TIAM1: variants seen among roughly 807,000 people sequenced by gnomAD.
TIAM1 encodes TIAM Rac1 associated GEF 1, also known as rho guanine nucleotide exchange factor TIAM1.
TIAM1 carries 65 observed loss-of-function variants against 163.5 expected under a neutral mutation model. The observed-to-expected ratio is 0.40, with a 90% CI of 0.33 to 0.49. TIAM1 has a LOEUF of 0.49. TIAM1 is among the 20% of genes least tolerant of loss of function. TIAM1 has a pLI of 0.77. For missense variants in TIAM1, 1,789 were observed against 2,044.7 expected, an observed-to-expected ratio of 0.87 and a Z score of 2.41; for synonymous variants, 833 against 810.1, an observed-to-expected ratio of 1.03 and a Z score of -0.48.
chr21:31,404,748 A>T (rs1053761242), intron 2 of TIAM1, among the ~76,000 whole-genome samples: 4 of 152,160 alleles, frequency 2.6e-5, no homozygotes, highest in Non-Finnish European at 5.9e-5. Context: ...GCTAAGTAAG[A>T]TGTCACCACT....
chr21:31,253,676 A>T (rs2071940984), intron 4 of TIAM1, among the ~76,000 whole-genome samples: 1 of 152,246 alleles, frequency 6.6e-6, no homozygotes, highest in Non-Finnish European at 1.5e-5. Flanking sequence ...AATGGAGCTT[A>T]GACCCCTGGG....
At chr21:31,439,088 C>T (rs1001692112) in intron 2 of TIAM1, among the ~76,000 whole-genome samples, 6 of 152,250 alleles carry the variant, frequency 3.9e-5, no homozygotes, top group African/African-American at 9.6e-5. Flanking sequence ...AAAGTGCTAT[C>T]GTTGATTGGG....
Position 31,543,813 on chromosome 21 carries a change from C to G in TIAM1, c.-422+15114G>C, listed in dbSNP as rs142838139. Among the ~76,000 whole-genome samples the G allele has an allele frequency of 1.5e-3, 227 of 152,270 alleles. 2 individuals carry two copies. Among genetic ancestry groups the G allele is most frequent in the African/African-American group, 5.3e-3 (221 of 41,560 alleles). ...GACCAGTAGGGCTAGCCATAGCCACCGAAAGTTTAAAACACAGGTGGCGTA... is the reference window on the plus strand; with the variant it reads ...GACCAGTAGGGCTAGCCATAGCCACGGAAAGTTTAAAACACAGGTGGCGTA... On this transcript the variant is annotated intron_variant, in intron 1 of 28. Transcript: ENST00000286827.
At chr21:31,434,561 T>C (rs1449266618) in intron 2 of TIAM1, among the ~76,000 whole-genome samples, 1 of 152,246 alleles carries the variant, frequency 6.6e-6, no homozygotes, top group Non-Finnish European at 1.5e-5. Flanking sequence ...GCTGGAAAGA[T>C]CTCTTCTCAA....
chr21:31,213,478 T>C lies in TIAM1; in HGVS notation c.2143-6A>G, dbSNP rs2086996703. On this transcript the variant is annotated splice_region_variant and splice_polypyrimidine_tract_variant and intron_variant, in intron 9 of 27. Transcript: ENST00000541036. Reference sequence around the variant, plus strand: ...TCGGTTCCCTCTCCAAACACCTGCATATACAAAAGTACCACCTTAAAAAGG... The same window carrying C: ...TCGGTTCCCTCTCCAAACACCTGCACATACAAAAGTACCACCTTAAAAAGG... The C allele has an allele frequency of 6.2e-7, 1 of 1,613,558 alleles. No homozygotes were observed. Among genetic ancestry groups the C allele is most frequent in the African/African-American group, 1.3e-5 (1 of 74,850 alleles).
chr21:31,461,243 C>T (rs1370015538), intron 2 of TIAM1, among the ~76,000 whole-genome samples: 5 of 151,998 alleles, frequency 3.3e-5, no homozygotes, highest in Admixed American at 1.3e-4. Flanking sequence ...CAGCACTTTG[C>T]GAGGCCGAGG....
chr21:31,495,937 A>C (rs1169690475), intron 1 of TIAM1, among the ~76,000 whole-genome samples: 1 of 151,718 alleles, frequency 6.6e-6, no homozygotes, highest in East Asian at 2.0e-4. Context: ...GCTCCACTGC[A>C]CTCCAGCCTG....
At chr21:31,300,139 C>T (rs2074445444) in intron 2 of TIAM1, among the ~76,000 whole-genome samples, 1 of 152,068 alleles carries the variant, frequency 6.6e-6, no homozygotes, top group African/African-American at 2.4e-5. Context: ...GGTGAGTTCT[C>T]GTGAGATCTA....
At chr21:31,320,026 C>CA (rs1355347524) in intron 2 of TIAM1, among the ~76,000 whole-genome samples, 1 of 151,590 alleles carries the variant, frequency 6.6e-6, no homozygotes, top group Non-Finnish European at 1.5e-5. Flanking sequence ...TCACAATAGC[C>CA]AAAAAACTGA....
chr21:31,298,234 G>C (rs1164231854), intron 2 of TIAM1, among the ~76,000 whole-genome samples: 1 of 152,158 alleles, frequency 6.6e-6, no homozygotes, highest in Non-Finnish European at 1.5e-5. Context: ...AGAAATACAG[G>C]AATGTTACCA....
chr21:31,557,804 G>C (rs956169436), intron 1 of TIAM1, among the ~76,000 whole-genome samples: 1 of 152,192 alleles, frequency 6.6e-6, no homozygotes, highest in Admixed American at 6.5e-5. Flanking sequence ...AACCAGGGCT[G>C]ACCCGGGGGC....
chr21:31,366,756 T>C (rs1400934115), intron 2 of TIAM1, among the ~76,000 whole-genome samples: 1 of 152,160 alleles, frequency 6.6e-6, no homozygotes, highest in African/African-American at 2.4e-5. Context: ...AGCTGGGAAT[T>C]ACAGGCATGT....
At chr21:31,317,566 G>A (rs2075170138) in intron 2 of TIAM1, among the ~76,000 whole-genome samples, 1 of 152,242 alleles carries the variant, frequency 6.6e-6, no homozygotes. Context: ...GATGACCTGA[G>A]GTCAAGAGTT....
At chr21:31,129,337 T>C (rs1378269951) in intron 25 of TIAM1, among the ~76,000 whole-genome samples, 6 of 152,188 alleles carry the variant, frequency 3.9e-5, no homozygotes, top group Non-Finnish European at 7.4e-5. Flanking sequence ...AGTATACTTA[T>C]AGCTACCCAA....
intron 1 of TIAM1, among the ~76,000 whole-genome samples, chr21:31,500,146 C>A (rs1373314404): frequency 6.6e-6 from 1 of 152,116 alleles, no homozygotes; most frequent in African/African-American, 2.4e-5. Context: ...GCCTGGGTGA[C>A]AGAGCGAGAC....
intron 20 of TIAM1, among the ~76,000 whole-genome samples, chr21:31,145,726 T>C (rs766776303): frequency 4.6e-5 from 7 of 152,192 alleles, no homozygotes; most frequent in Non-Finnish European, 1.0e-4. Context: ...GGAGCTGTTA[T>C]CACACTCCCA....
At chr21:31,150,780 A>G (rs984454280) in intron 19 of TIAM1, among the ~76,000 whole-genome samples, 1 of 152,210 alleles carries the variant, frequency 6.6e-6, no homozygotes, top group Non-Finnish European at 1.5e-5. Context: ...GGGCACTGTC[A>G]AGAAAATGAA....
chr21:31,278,401 T>C (rs2146863933), intron 2 of TIAM1, among the ~76,000 whole-genome samples: 1 of 152,304 alleles, frequency 6.6e-6, no homozygotes, highest in South Asian at 2.1e-4. Context: ...AGCCTGCTGG[T>C]AGAGGTGAAA....
At chr21:31,506,031 A>T (rs990983173) in intron 1 of TIAM1, among the ~76,000 whole-genome samples, 3 of 138,816 alleles carry the variant, frequency 2.2e-5, no homozygotes, top group African/African-American at 5.2e-5. Context: ...AAAAAAAAAA[A>T]GGCTGATGCG....
Sources: allele counts gnomAD v4.1 joint callset (sites outside exome capture counted in the v4.1 genomes callset), GRCh38; gene constraint gnomAD v4.1.1; transcripts MANE v1.5; gene names NCBI Gene and HGNC (gene_info 2026-07-23, HGNC 2026-07-21).